Variants in SPATA17 observed in about 807,000 individuals in gnomAD.
The protein encoded by SPATA17 is spermatogenesis-associated protein 17.
Under a neutral mutation model 62.2 loss-of-function variants are expected in SPATA17, and 53 were observed. That is an observed-to-expected ratio of 0.85 (90% CI 0.68 to 1.07). The LOEUF is 1.07. Ranked by LOEUF, SPATA17 falls within the 50% of genes least tolerant of loss-of-function variation. The pLI, the probability that SPATA17 is intolerant of heterozygous loss-of-function variation, is 0.00. For synonymous variants in SPATA17, 146 were observed against 146.8 expected (o/e 0.99, Z 0.04); for missense variants, 466 against 425.5 (o/e 1.10, Z -0.84).
chr1:217,866,846 T>C (rs1280566264), intron 10 of SPATA17, 176 bp from the exon 11 acceptor site: 4 of 151,922 alleles, frequency 2.6e-5, no homozygotes, highest in African/African-American at 9.7e-5. Context: ...GTTCCTTTTT[T>C]TTTTTTTTTC....
chr1:217,793,930 A>G (rs1325093580), intron 8 of SPATA17, among the ~76,000 whole-genome samples: 2 of 151,976 alleles, frequency 1.3e-5, no homozygotes. Flanking sequence ...CCTGGCTATC[A>G]CGGTGAAACC....
chr1:217,749,709 C>T (rs1672854075), intron 6 of SPATA17, among the ~76,000 whole-genome samples: 1 of 151,744 alleles, frequency 6.6e-6, no homozygotes, highest in Admixed American at 6.6e-5. Flanking sequence ...ATATTTACCA[C>T]CATCAGATAA....
Position 217,683,352 on chromosome 1 carries a change from A to T in SPATA17, c.386A>T (p.Asp129Val), listed in dbSNP as rs1671142968. Reference protein sequence around the residue: ...EYLKVVSETNDAIRKALEEFA... With the variant: ...EYLKVVSETNVAIRKALEEFA... Reference sequence around the variant, plus strand: ...CTGAAAGTCGTTTCAGAGACCAATGATGCAATTAGGTAAGTAGTGCAATCA... The same window carrying T: ...CTGAAAGTCGTTTCAGAGACCAATGTTGCAATTAGGTAAGTAGTGCAATCA... The change falls in exon 5 of 11, where the codon GAT becomes GTT. Residue 129 changes from aspartate to valine, a missense_variant. By Grantham distance (152) the Asp-to-Val change is radical. Coordinates refer to ENST00000366933, the MANE Select transcript of SPATA17 (RefSeq NM_138796.4). 1 of 1,600,972 alleles carries T rather than the reference A, an allele frequency of 6.2e-7. No homozygotes were observed. The highest frequency in any genetic ancestry group is 1.3e-5 in the African/African-American group (1 of 74,546).
chr1:217,740,756 A>C (rs1672610286), intron 5 of SPATA17, among the ~76,000 whole-genome samples: 1 of 152,196 alleles, frequency 6.6e-6, no homozygotes, highest in Non-Finnish European at 1.5e-5. Flanking sequence ...ACTATGCATA[A>C]AGTAAAACAG....
chr1:217,717,834 C>T (rs1672043291), intron 5 of SPATA17, among the ~76,000 whole-genome samples: 1 of 152,120 alleles, frequency 6.6e-6, no homozygotes, highest in South Asian at 2.1e-4. Flanking sequence ...AATCTGTGAG[C>T]AGAGACAGAA....
chr1:217,632,552 T>G (rs1244384078), intron 1 of SPATA17, among the ~76,000 whole-genome samples: 1 of 152,228 alleles, frequency 6.6e-6, no homozygotes, highest in Non-Finnish European at 1.5e-5. Context: ...CTTACAGCAC[T>G]GATCACAATT....
intron 3 of SPATA17, among the ~76,000 whole-genome samples, chr1:217,655,400 T>A (rs1304717538): frequency 2.0e-5 from 3 of 152,218 alleles, no homozygotes; most frequent in Non-Finnish European, 4.4e-5. Flanking sequence ...GTTTGTCCAA[T>A]AAATGTTGTT....
In SPATA17 at chr1:217,669,039, T is replaced by C; in HGVS notation, c.247T>C (p.Tyr83His). 6.2e-7 allele frequency: 1 copy of C among 1,611,688 alleles called. No homozygotes were observed. Among genetic ancestry groups the C allele is most frequent in the Non-Finnish European group, 8.5e-7 (1 of 1,178,998 alleles). Residue 83 changes from tyrosine to histidine, a missense_variant, in exon 4 of 11, where the codon TAT becomes CAT. Tyr to His is a moderately conservative substitution (Grantham distance 83). Transcript: ENST00000366933. ...KQYQLTVQVA[Y>H]YTMMMNLYNA... ...TTTTTTTCTTGATTCACAGGTAGCA[T>C]ATTATACTATGATGATGAATCTCTA...
chr1:217,651,425 C>T (rs1018984391), intron 3 of SPATA17, among the ~76,000 whole-genome samples: 2 of 152,150 alleles, frequency 1.3e-5, no homozygotes, highest in Non-Finnish European at 2.9e-5. Context: ...GTACTTTTCA[C>T]AGTATGCATT....
At chr1:217,790,521 A>G (rs1673971320) in intron 8 of SPATA17, among the ~76,000 whole-genome samples, 1 of 152,084 alleles carries the variant, frequency 6.6e-6, no homozygotes, top group South Asian at 2.1e-4. Flanking sequence ...GCTCACTGCA[A>G]GCTCTGCCTC....
At chr1:217,657,557 C>T (rs1342445306) in intron 3 of SPATA17, among the ~76,000 whole-genome samples, 1 of 152,160 alleles carries the variant, frequency 6.6e-6, no homozygotes, top group Non-Finnish European at 1.5e-5. Flanking sequence ...ACACTTAGTC[C>T]TAAATTAAGT....
At chr1:217,821,380 A>G (rs1455210188) in intron 9 of SPATA17, among the ~76,000 whole-genome samples, 1 of 152,110 alleles carries the variant, frequency 6.6e-6, no homozygotes, top group African/African-American at 2.4e-5. Flanking sequence ...GGCTAAGAGA[A>G]TATGCTTATC....
In SPATA17 at chr1:217,631,391, G is replaced by T. The variant is rs754461667; in HGVS notation, c.13G>T (p.Ala5Ser). The change falls in exon 1 of 11, where the codon GCC (alanine) becomes TCC (serine). Residue 5 changes from alanine to serine, a missense_variant. Physicochemically the swap from Ala to Ser is moderately conservative, Grantham distance 99. Transcript: ENST00000366933. MATL[A>S]RLQARSSTVG... ...AGGCCAAGAGACCATGGCCACGTTA[G>T]CCCGGCTGCAAGCTAGGTCGTCGAC... 4 of 1,614,024 alleles carry T rather than the reference G, an allele frequency of 2.5e-6. No individual in the cohort carries two copies. The highest frequency in any genetic ancestry group is 1.3e-5 in the African/African-American group (1 of 74,906).
intron 5 of SPATA17, among the ~76,000 whole-genome samples, chr1:217,734,195 T>C: frequency 6.6e-6 from 1 of 152,274 alleles, no homozygotes; most frequent in East Asian, 1.9e-4. Context: ...TATTGTATTT[T>C]AGACTTAGCA....
chr1:217,848,769 C>G (rs755853410), intron 9 of SPATA17, among the ~76,000 whole-genome samples: 2 of 152,016 alleles, frequency 1.3e-5, no homozygotes, highest in African/African-American at 2.4e-5. Flanking sequence ...TTTCCTAATT[C>G]TTTTTTCTTT....
At chr1:217,814,096 G>A (rs72728889) in intron 9 of SPATA17, among the ~76,000 whole-genome samples, 4,642 of 152,104 alleles carry the variant, frequency 0.031, 101 homozygotes, top group Middle Eastern at 0.065. Context: ...AATAATATGT[G>A]CAATGATGTG....
chr1:217,782,327 G>A lies in SPATA17; in HGVS notation c.872+5G>A. The A allele has an allele frequency of 6.3e-7, 1 of 1,585,164 alleles. No individual in the cohort carries two copies. The highest frequency in any genetic ancestry group is 1.4e-5 in the African/African-American group (1 of 73,446). On this transcript the variant is annotated splice_donor_5th_base_variant and intron_variant, in intron 8 of 10. Transcript: ENST00000366933. ...GCAAAATGTAAATGACAATATGTGA[G>A]TTCTTAGCTTAACAAAAATAGCTGT...
At chr1:217,740,303 T>G (rs1672600846) in intron 5 of SPATA17, among the ~76,000 whole-genome samples, 1 of 152,056 alleles carries the variant, frequency 6.6e-6, no homozygotes, top group South Asian at 2.1e-4. Context: ...TACATGCATT[T>G]CTGAGTAATT....
chr1:217,762,185 C>T (rs550880914), intron 6 of SPATA17, among the ~76,000 whole-genome samples: 1 of 152,276 alleles, frequency 6.6e-6, no homozygotes, highest in South Asian at 2.1e-4. Context: ...TACACTCTCC[C>T]TCAGTAACCC....
Sources: gnomAD v4.1 joint callset for allele counts (sites outside exome capture counted in the v4.1 genomes callset) on GRCh38, gnomAD v4.1.1 for gene constraint, MANE v1.5 for transcripts, NCBI Gene and HGNC (gene_info 2026-07-23, HGNC 2026-07-21) for gene names.